KCNAB1: variants seen among roughly 807,000 people sequenced by gnomAD.
The protein encoded by KCNAB1 is potassium voltage-gated channel subfamily A regulatory beta subunit 1.
A neutral mutation model predicts 64.6 loss-of-function variants in KCNAB1; 35 were observed. The observed-to-expected ratio is 0.54, with a 90% CI of 0.41 to 0.72. The LOEUF is 0.72. Ranked by LOEUF, KCNAB1 falls within the 30% of genes least tolerant of loss-of-function variation. KCNAB1 has a pLI of 0.00. For synonymous variants in KCNAB1, 177 were observed against 183.8 expected (o/e 0.96, Z 0.30); for missense variants, 401 against 512.9 (o/e 0.78, Z 2.11).
At chr3:156,433,639 C>T (rs574243077) in intron 2 of KCNAB1, among the ~76,000 whole-genome samples, 38 of 152,288 alleles carry the variant, frequency 2.5e-4, no homozygotes, top group African/African-American at 8.7e-4. Context: ...GAAGTGACCA[C>T]CTCTTTTGGG....
At chr3:156,165,138 C>T (rs1418728124) in intron 1 of KCNAB1, among the ~76,000 whole-genome samples, 1 of 151,208 alleles carries the variant, frequency 6.6e-6, no homozygotes, top group Non-Finnish European at 1.5e-5. Context: ...ATTAGCCGGG[C>T]GTAGTGGCGG....
intron 2 of KCNAB1, among the ~76,000 whole-genome samples, chr3:156,443,998 A>G (rs1447945636): frequency 6.6e-6 from 1 of 152,196 alleles, no homozygotes; most frequent in East Asian, 1.9e-4. Context: ...AAAGTAAAAA[A>G]GAAAAGGCTA....
chr3:156,206,160 CCT>C (rs941382049), intron 1 of KCNAB1, among the ~76,000 whole-genome samples: 1 of 152,144 alleles, frequency 6.6e-6, no homozygotes, highest in African/African-American at 2.4e-5. Flanking sequence ...GCATTCATTC[CCT>C]CTTTCTTTGA....
intron 8 of KCNAB1, among the ~76,000 whole-genome samples, chr3:156,499,561 GTT>G (rs924391764): frequency 1.5e-4 from 23 of 152,208 alleles, no homozygotes; most frequent in Non-Finnish European, 3.2e-4. Flanking sequence ...AATCAAAAGA[GTT>G]TGCATGAAAT....
At chr3:156,410,984 A>G (rs1313619411) in intron 1 of KCNAB1, among the ~76,000 whole-genome samples, 1 of 152,190 alleles carries the variant, frequency 6.6e-6, no homozygotes, top group Non-Finnish European at 1.5e-5. Flanking sequence ...GCCGAGTCAC[A>G]TGGTATAGAT....
chr3:156,270,490 C>A (rs976910694), intron 1 of KCNAB1, among the ~76,000 whole-genome samples: 4 of 151,986 alleles, frequency 2.6e-5, no homozygotes, highest in African/African-American at 4.8e-5. Context: ...ATAAGGCTTG[C>A]ACTTAATATC....
At chr3:156,138,170 G>C (rs1021790272) in intron 1 of KCNAB1, among the ~76,000 whole-genome samples, 7 of 152,278 alleles carry the variant, frequency 4.6e-5, no homozygotes, top group African/African-American at 7.2e-5. Flanking sequence ...CTCTGGCAAG[G>C]GTGAAGAGAA....
At chr3:156,358,295 A>G (rs1416766866) in intron 1 of KCNAB1, among the ~76,000 whole-genome samples, 1 of 152,192 alleles carries the variant, frequency 6.6e-6, no homozygotes, top group Non-Finnish European at 1.5e-5. Flanking sequence ...CATCACCAAC[A>G]ACAAAGCTAA....
At chr3:156,173,354 G>T (rs1278996814) in intron 1 of KCNAB1, among the ~76,000 whole-genome samples, 1 of 152,038 alleles carries the variant, frequency 6.6e-6, no homozygotes, top group Non-Finnish European at 1.5e-5. Context: ...GGGAAGAAGA[G>T]GGTCTAAAAA....
intron 8 of KCNAB1, among the ~76,000 whole-genome samples, chr3:156,478,086 G>A (rs555731859): frequency 6.6e-6 from 1 of 152,144 alleles, no homozygotes; most frequent in Admixed American, 6.5e-5. Flanking sequence ...TATTCTATTG[G>A]CGTTAATTAA....
chr3:156,192,905 G>T (rs1016808182), intron 1 of KCNAB1, among the ~76,000 whole-genome samples: 1 of 151,918 alleles, frequency 6.6e-6, no homozygotes, highest in African/African-American at 2.4e-5. Flanking sequence ...TCTTGTAGGT[G>T]GGAGATTGAG....
At chr3:156,133,640 A>G (rs987825999) in intron 1 of KCNAB1, among the ~76,000 whole-genome samples, 8 of 152,170 alleles carry the variant, frequency 5.3e-5, no homozygotes, top group Admixed American at 5.2e-4. Context: ...GGAAGACAAC[A>G]CTACAGTCAA....
intron 8 of KCNAB1, among the ~76,000 whole-genome samples, chr3:156,480,168 T>C (rs1488903295): frequency 6.6e-6 from 1 of 152,166 alleles, no homozygotes; most frequent in Non-Finnish European, 1.5e-5. Context: ...TCAGGCCTTC[T>C]GCCTCTATCT....
At chr3:156,213,071 C>T (rs1034753779) in intron 1 of KCNAB1, among the ~76,000 whole-genome samples, 3 of 152,072 alleles carry the variant, frequency 2.0e-5, no homozygotes, top group African/African-American at 7.2e-5. Context: ...GAACAGCTCG[C>T]TTAGTAACTA....
chr3:156,296,647 A>G (rs554733807), intron 1 of KCNAB1, among the ~76,000 whole-genome samples: 3 of 151,872 alleles, frequency 2.0e-5, no homozygotes, highest in East Asian at 3.9e-4. Context: ...CTAATGTTTT[A>G]TATTTTTAGT....
intron 8 of KCNAB1, among the ~76,000 whole-genome samples, chr3:156,489,472 G>A (rs1715481320): frequency 6.6e-6 from 1 of 152,094 alleles, no homozygotes; most frequent in Admixed American, 6.6e-5. Context: ...GTCTATTGGT[G>A]TTAACAATGT....
chr3:156,383,224 C>T (rs548820456), intron 1 of KCNAB1, among the ~76,000 whole-genome samples: 1 of 152,304 alleles, frequency 6.6e-6, no homozygotes, highest in East Asian at 1.9e-4. Context: ...TAGGTACATT[C>T]CCAAGGGTCA....
intron 1 of KCNAB1, among the ~76,000 whole-genome samples, chr3:156,254,572 C>T (rs574132306): frequency 6.6e-6 from 1 of 152,312 alleles, no homozygotes; most frequent in East Asian, 1.9e-4. Flanking sequence ...GCAGTTCTTT[C>T]CAGGCTTATG....
intron 1 of KCNAB1, among the ~76,000 whole-genome samples, chr3:156,394,713 T>C (rs1221123897): frequency 6.6e-6 from 1 of 152,256 alleles, no homozygotes; most frequent in Non-Finnish European, 1.5e-5. Context: ...CCAGGCACAG[T>C]TGCTGCATTT....
Sources: gnomAD v4.1 joint callset for allele counts (sites outside exome capture counted in the v4.1 genomes callset) on GRCh38, gnomAD v4.1.1 for gene constraint, MANE v1.5 for transcripts, NCBI Gene and HGNC (gene_info 2026-07-23, HGNC 2026-07-21) for gene names.